The following DYNC1H1 variants were observed in gnomAD, a reference collection of about 807,000 sequenced individuals.
DYNC1H1 encodes dynein cytoplasmic 1 heavy chain 1, also known as cytoplasmic dynein 1 heavy chain 1.
DYNC1H1 carries 51 observed loss-of-function variants against 527.1 expected under a neutral mutation model. The observed-to-expected ratio is 0.10, with a 90% CI of 0.08 to 0.12. The LOEUF (loss-of-function observed/expected upper bound fraction) is 0.12, where lower values mean the gene tolerates loss of function less well. Ranked by LOEUF, DYNC1H1 falls within the 10% of genes least tolerant of loss-of-function variation. The pLI, the probability that DYNC1H1 is intolerant of heterozygous loss-of-function variation, is 1.00. For missense variants in DYNC1H1, 2,771 were observed against 5,971.8 expected (o/e 0.46, Z 17.66); for synonymous variants, 2,189 against 2,278.8 (o/e 0.96, Z 1.12).
At chr14:102,048,354 C>CA (rs2048756092) in intron 73 of DYNC1H1, 162 bp from the exon 74 acceptor site, 2 of 1,014,930 alleles carry the variant, frequency 2.0e-6, no homozygotes, top group Middle Eastern at 3.1e-4. Flanking sequence ...CTCAGCTTCA[C>CA]ACAAGCTCGG....
chr14:102,012,223 AAAG>A lies in DYNC1H1; in HGVS notation c.6858-90_6858-88del. 6.2e-7 allele frequency: 1 copy of A among 1,612,074 alleles called. No homozygotes were observed. Among genetic ancestry groups the A allele is most frequent in the Non-Finnish European group, 8.5e-7 (1 of 1,178,388 alleles). ...TTTTCAACCAAAGTCTGAGCAAATT[AAAG>A]GTCATTTCAGAAACCATCATCGGTA... On this transcript the variant is annotated intron_variant, in intron 33 of 77. Transcript: ENST00000360184. This position sits in a 1 kb window ranked among gnomAD's most constrained non-coding sequence, Gnocchi z 4.9.
At chr14:102,009,442 T>G (rs1329746109) in intron 29 of DYNC1H1, 1 of 215,526 alleles carries the variant, frequency 4.6e-6, no homozygotes, top group Non-Finnish European at 9.4e-6. Flanking sequence ...TTTTTTTATT[T>G]TGATGATGCT....
chr14:102,042,272 G>T lies in DYNC1H1; in HGVS notation c.12259G>T (p.Ala4087Ser), dbSNP rs1394701012. The T allele has an allele frequency of 1.2e-6, 2 of 1,614,056 alleles. No homozygotes were observed. Among genetic ancestry groups the T allele is most frequent in the Admixed American group, 1.7e-5 (1 of 59,988 alleles). ...CCAAGCAGATAAGGCAATAAACACCGCTGTAAAGTCGGGCAGGTAGGCCTG... is the reference window on the plus strand; with the variant it reads ...CCAAGCAGATAAGGCAATAAACACCTCTGTAAAGTCGGGCAGGTAGGCCTG... Reference protein sequence around the residue: ...FNQADKAINTAVKSGRWVMLK... With the variant: ...FNQADKAINTSVKSGRWVMLK... Residue 4087 changes from alanine (A) to serine (S), a missense_variant, in exon 67 of 78, where the codon GCT (alanine) becomes TCT (serine). By Grantham distance (99) the Ala-to-Ser change is moderately conservative. Coordinates refer to ENST00000360184, the MANE Select transcript of DYNC1H1 (RefSeq NM_001376.5). This position sits in a 1 kb window ranked among gnomAD's most constrained non-coding sequence, Gnocchi z 5.7.
At chr14:101,994,566 A>G in intron 12 of DYNC1H1, 107 bp from the exon 13 acceptor site, 3 of 1,450,678 alleles carry the variant, frequency 2.1e-6, no homozygotes, top group Non-Finnish European at 2.8e-6. Flanking sequence ...TTTCTCTAAT[A>G]GTGGTGAAAG....
intron 1 of DYNC1H1, among the ~76,000 whole-genome samples, chr14:101,968,332 C>T (rs1447276000): frequency 6.6e-6 from 1 of 151,980 alleles, no homozygotes; most frequent in East Asian, 1.9e-4. Context: ...AACTGTGTCA[C>T]CCAGGCAGGA....
In DYNC1H1 at chr14:102,032,409, A is replaced by G. The variant is rs1466597853; in HGVS notation, c.10021A>G (p.Ile3341Val). The G allele has an allele frequency of 1.2e-6, 2 of 1,614,128 alleles. No homozygotes were observed. Among genetic ancestry groups the G allele is most frequent in the Non-Finnish European group, 1.7e-6 (2 of 1,180,058 alleles). The change falls in exon 52 of 78, where the codon ATC becomes GTC. Residue 3341 changes from isoleucine (I) to valine (V), a missense_variant. By Grantham distance (29) the Ile-to-Val change is conservative (BLOSUM62 3). Transcript: ENST00000360184. The part of the protein sequence containing the change: ...STTDWKQIRS[I>V]IMRENFIPTI... ...CACAGACTGGAAGCAGATCCGCTCC[A>G]TCATCATGCGGGAGAACTTCATCCC... is the stretch of plus-strand genomic sequence containing the variant.
At chr14:102,048,054 C>G in intron 73 of DYNC1H1, 26 bp downstream of exon 73, 2 of 1,596,396 alleles carry the variant, frequency 1.3e-6, no homozygotes, top group Non-Finnish European at 1.7e-6. Flanking sequence ...GCGGGCCGGC[C>G]AGGTCTCAAG....
intron 72 of DYNC1H1, chr14:102,047,611 A>G (rs28372169): frequency 2.6e-6 from 1 of 386,774 alleles, no homozygotes; most frequent in South Asian, 2.8e-5. Context: ...ACATATATGT[A>G]TATATACACG....
At chr14:101,999,963 A>G (rs752391758) in intron 16 of DYNC1H1, 26 bp from the exon 17 acceptor site, 6 of 1,614,066 alleles carry the variant, frequency 3.7e-6, no homozygotes, top group Admixed American at 3.3e-5. Flanking sequence ...TTGTGCTCCA[A>G]TTCTCTGTGC....
chr14:102,021,777 C>G (rs1245605953), intron 42 of DYNC1H1, among the ~76,000 whole-genome samples: 1 of 151,626 alleles, frequency 6.6e-6, no homozygotes, highest in African/African-American at 2.4e-5. Context: ...TCTTGTGCCC[C>G]AGCCCCCAGA....
Position 102,042,150 on chromosome 14 carries a change from G to A in DYNC1H1, c.12214+26G>A, listed in dbSNP as rs2048659503. The A allele has an allele frequency of 6.2e-7, 1 of 1,613,648 alleles. No individual in the cohort carries two copies. ...GTAAGGATGCTTGAGGGGCTTCATG[G>A]GCTGGAGCCCTGCAGGATTTGTGGT... On this transcript the variant is annotated intron_variant, in intron 66 of 77. Transcript: ENST00000360184. This position sits in a 1 kb window ranked among gnomAD's most constrained non-coding sequence, Gnocchi z 5.7.
chr14:102,031,933 G>A (rs1305560850), intron 51 of DYNC1H1, among the ~76,000 whole-genome samples: 1 of 152,182 alleles, frequency 6.6e-6, no homozygotes, highest in African/African-American at 2.4e-5. Context: ...CAGCCTAGGC[G>A]ACAGAGCTAG....
chr14:101,970,549 C>T (rs1345950459), intron 1 of DYNC1H1, among the ~76,000 whole-genome samples: 2 of 127,078 alleles, frequency 1.6e-5, no homozygotes, highest in African/African-American at 6.0e-5. Flanking sequence ...GTGGCACGAT[C>T]TCCGCTCACT....
At position 102,002,711 on chromosome 14, in the gene DYNC1H1, C is replaced by T. The variant is rs563349315; in HGVS notation, c.4709+8C>T. 1.2e-6 allele frequency: 2 copies of T among 1,614,242 alleles called. No homozygotes were observed. The highest frequency in any genetic ancestry group is 1.3e-5 in the African/African-American group (1 of 75,068). ...AACCCAGCGGTTTCAGAGGTATGGC[C>T]TCCAGCCAGAGAGCCAAATTTGCCA... On this transcript the variant is annotated splice_region_variant and intron_variant, in intron 22 of 77. Coordinates refer to ENST00000360184, the MANE Select transcript of DYNC1H1 (RefSeq NM_001376.5). This position sits in a 1 kb window ranked among gnomAD's most constrained non-coding sequence, Gnocchi z 4.4.
chr14:102,018,314 C>G lies in DYNC1H1; in HGVS notation c.8178-137C>G. The stretch of plus-strand genomic sequence containing the variant: ...AGCGTGTGTGTGATCTCAGCTAACA[C>G]TGATGTCAAGTCTGCATAGCTGGGT... On this transcript the variant is annotated intron_variant, in intron 40 of 77. Coordinates refer to ENST00000360184, the MANE Select transcript of DYNC1H1 (RefSeq NM_001376.5). The surrounding 1 kb of genome is among the most constrained non-coding windows in gnomAD (Gnocchi z 5.2). 4 of 1,234,312 alleles carry G rather than the reference C, an allele frequency of 3.2e-6. No individual in the cohort carries two copies. Among genetic ancestry groups the G allele is most frequent in the Non-Finnish European group, 4.5e-6 (4 of 885,554 alleles). The allele number at this position is 1,234,312 out of a possible 1,614,324, so 76.5% of individuals were successfully genotyped here. A position where few individuals can be genotyped will look rare whatever the true frequency, so the allele number is the denominator to read the frequency against.
intron 69 of DYNC1H1, 43 bp from the exon 70 acceptor site, chr14:102,043,832 G>A (rs1292122506): frequency 5.6e-6 from 9 of 1,613,776 alleles, no homozygotes; most frequent in Middle Eastern, 1.6e-4. Flanking sequence ...TTGGCGAAGT[G>A]CTGTTTTCTA....
Position 102,040,656 on chromosome 14 carries a change from G to A in DYNC1H1, c.11924G>A (p.Ser3975Asn), listed in dbSNP as rs1366626883. Residue 3975 changes from serine to asparagine, a missense_variant, in exon 64 of 78, where the codon AGT becomes AAT. Coordinates refer to ENST00000360184, the MANE Select transcript of DYNC1H1 (RefSeq NM_001376.5). ...GAGCAGACTGTGCCCTACCTCTGGA[G>A]TGAAGAAACACCTGCAAGTAAGCCC... ...SPEQTVPYLW[S>N]EETPATPIGQ... 2 of 1,614,222 alleles carry A rather than the reference G, an allele frequency of 1.2e-6. No individual in the cohort carries two copies. Among genetic ancestry groups the A allele is most frequent in the Non-Finnish European group, 8.5e-7 (1 of 1,180,036 alleles).
chr14:102,027,675 G>T lies in DYNC1H1; in HGVS notation c.9105G>T (p.Glu3035Asp). The change falls in exon 47 of 78, where the codon GAG becomes GAT. Residue 3035 changes from glutamate to aspartate, a missense_variant. Physicochemically the swap from Glu to Asp is conservative, Grantham distance 45. This residue lies in a region of DYNC1H1 where 84 missense variants were observed against 285.4 expected (regional missense o/e 0.29). Coordinates refer to ENST00000360184, the MANE Select transcript of DYNC1H1 (RefSeq NM_001376.5). The surrounding 1 kb of genome is among the most constrained non-coding windows in gnomAD (Gnocchi z 7.7). ...CCACCTTGATGACGCAGTGCAAAGA[G>T]GGGGCACAGAAGGAAGGCCTGATGC... The part of the protein sequence containing the change: ...EYATLMTQCK[E>D]GAQKEGLMLD... 1.2e-6 allele frequency: 2 copies of T among 1,614,166 alleles called. No individual in the cohort carries two copies. The highest frequency in any genetic ancestry group is 1.7e-6 in the Non-Finnish European group (2 of 1,180,032).
rs776050745 is a variant in DYNC1H1, at chr14:102,010,250, GAT to G, written c.6222-24_6222-23del. On this transcript the variant is annotated intron_variant, in intron 30 of 77. Transcript: ENST00000360184. This position sits in a 1 kb window ranked among gnomAD's most constrained non-coding sequence, Gnocchi z 6.0. ...TTGCTTAAAGTATACTGTTATTAAAGATAGCCTTTTTTTCTTCTTTTCTAGAC... is the reference window on the plus strand; with the variant it reads ...TTGCTTAAAGTATACTGTTATTAAAGAGCCTTTTTTTCTTCTTTTCTAGAC... 27 of 1,613,618 alleles carry G rather than the reference GAT, an allele frequency of 1.7e-5. No homozygotes were observed. The African/African-American group carries it at 3.1e-4, about 18-fold the overall frequency.
Sources: gnomAD v4.1 joint callset for allele counts (sites outside exome capture counted in the v4.1 genomes callset) on GRCh38, gnomAD v4.1.1 for gene constraint, gnomAD v4.1.1 regional missense constraint, Gnocchi (gnomAD v3.1) non-coding constraint, MANE v1.5 for transcripts, NCBI Gene and HGNC (gene_info 2026-07-23, HGNC 2026-07-21) for gene names.